Variants in NTN5 observed in about 807,000 individuals in gnomAD.
NTN5 encodes netrin-5.
NTN5 carries 42 observed loss-of-function variants against 38.7 expected under a neutral mutation model. That is an observed-to-expected ratio of 1.08 (90% CI 0.85 to 1.40). NTN5 has a LOEUF of 1.40. Among genes scored for constraint, NTN5 ranks in the 40% most tolerant of loss-of-function variants. The pLI is 0.00. For missense variants in NTN5, 658 were observed against 716.5 expected (o/e 0.92, Z 0.93); for synonymous variants, 329 against 303.9 (o/e 1.08, Z -0.86).
At chr19:48,663,278 C>T (rs1266716279) in intron 6 of NTN5, 185 bp downstream of exon 6, 1 of 697,374 alleles carries the variant, frequency 1.4e-6, no homozygotes, top group East Asian at 2.7e-5. Flanking sequence ...GTAGTGAATG[C>T]CCCCTCCCCA....
chr19:48,669,075 A>G (rs1601210406), intron 2 of NTN5, among the ~76,000 whole-genome samples: 1 of 128,420 alleles, frequency 7.8e-6, no homozygotes, highest in Non-Finnish European at 1.7e-5. Flanking sequence ...CACCACCACT[A>G]TCACCATCAT....
At chr19:48,672,584 G>T (rs1359426673) in intron 1 of NTN5, among the ~76,000 whole-genome samples, 1 of 152,204 alleles carries the variant, frequency 6.6e-6, no homozygotes, top group African/African-American at 2.4e-5. Context: ...CCACTCAGGT[G>T]GCAGCCGCCT....
intron 3 of NTN5, 86 bp downstream of exon 3, chr19:48,664,493 T>TCCAGGCCC (rs2031640111): frequency 8.2e-7 from 1 of 1,224,044 alleles, no homozygotes; most frequent in Admixed American, 3.1e-5. Flanking sequence ...GATCCAGGAA[T>TCCAGGCCC]CCAGGCCCCC....
chr19:48,669,580 C>CATCACCACT lies in NTN5; in HGVS notation c.631+775_631+776insAGTGGTGAT, dbSNP rs1458635951. ...TCACCACCACCATCACCACCATCAC[C>CATCACCACT]ACCACGACCACCATCACCACCACCA... On this transcript the variant is annotated intron_variant, in intron 2 of 6. Transcript: ENST00000270235. Among the ~76,000 whole-genome samples the CATCACCACT allele has an allele frequency of 1.9e-3, 94 of 48,224 alleles. 18 individuals carry two copies. Among genetic ancestry groups the CATCACCACT allele is most frequent in the Non-Finnish European group, 3.1e-3 (81 of 25,970 alleles). The allele number at this position is 48,224 out of a possible 152,430, so 31.6% of individuals were successfully genotyped here.
intron 1 of NTN5, 147 bp downstream of exon 1, chr19:48,672,783 CTT>C (rs1327375616): frequency 6.2e-6 from 1 of 160,178 alleles, no homozygotes; most frequent in Non-Finnish European, 1.4e-5. Context: ...CCATACCCCT[CTT>C]TAAGAAAGAG....
At chr19:48,663,709 C>G (rs766444152) in intron 5 of NTN5, 52 bp downstream of exon 5, 65 of 1,580,892 alleles carry the variant, frequency 4.1e-5, no homozygotes, top group Non-Finnish European at 5.0e-5. Context: ...CCCAGTCAGC[C>G]CATCCTCATT....
intron 2 of NTN5, among the ~76,000 whole-genome samples, chr19:48,668,489 A>C (rs755008727): frequency 6.6e-6 from 1 of 152,208 alleles, no homozygotes; most frequent in Non-Finnish European, 1.5e-5. Context: ...GCAGGTAAGC[A>C]GAGGAGCTGG....
intron 2 of NTN5, among the ~76,000 whole-genome samples, 168 bp downstream of exon 2, chr19:48,670,188 A>G (rs1601214521): frequency 6.6e-6 from 1 of 152,248 alleles, no homozygotes; most frequent in Admixed American, 6.5e-5. Context: ...TGGCTGAGAT[A>G]CAGGACTGGC....
chr19:48,665,767 C>G (rs575151090), intron 2 of NTN5, among the ~76,000 whole-genome samples: 1 of 151,276 alleles, frequency 6.6e-6, no homozygotes, highest in African/African-American at 2.4e-5. Context: ...TGCAGTGAGC[C>G]GAGATCACGC....
At chr19:48,669,972 T>TAC (rs2031903444) in intron 2 of NTN5, among the ~76,000 whole-genome samples, 6 of 122,110 alleles carry the variant, frequency 4.9e-5, no homozygotes, top group East Asian at 7.5e-4. Context: ...ATCACCACCA[T>TAC]CATCACCATC....
chr19:48,661,589 C>T lies in NTN5; in HGVS notation c.*88G>A. The stretch of plus-strand genomic sequence containing the variant: ...GGGGCTCTGCGACGTCTGATTGGCT[C>T]TCTGCAGTGCACCGTCGAGGTAGAA... On this transcript the variant is annotated 3_prime_UTR_variant, in exon 7 of 7. Coordinates refer to ENST00000270235, the MANE Select transcript of NTN5 (RefSeq NM_145807.4). 2 of 1,351,922 alleles carry T rather than the reference C, an allele frequency of 1.5e-6. No homozygotes were observed. Among genetic ancestry groups the T allele is most frequent in the Non-Finnish European group, 9.6e-7 (1 of 1,045,182 alleles). 83.7% of individuals were successfully genotyped at this position (1,351,922 alleles called of 1,614,324 possible).
chr19:48,667,505 G>A, intron 2 of NTN5: 1 of 214,192 alleles, frequency 4.7e-6, no homozygotes, highest in Non-Finnish European at 1.0e-5. Context: ...TAAAAGATTT[G>A]GCCAAAGAAT....
In NTN5 at chr19:48,661,619, C is replaced by G. The variant is rs887448635; in HGVS notation, c.*58G>C. ...CAGTGCACCGTCGAGGTAGAAGGCT[C>G]AGCTCCTAGTCGCTCCCAAATTACT... On this transcript the variant is annotated 3_prime_UTR_variant, in exon 7 of 7. Transcript: ENST00000270235. The G allele has an allele frequency of 2.0e-5, 29 of 1,438,064 alleles. No individual in the cohort carries two copies. In the East Asian group the frequency reaches 8.0e-4, roughly 40 times the overall value. 89.1% of individuals were successfully genotyped at this position (1,438,064 alleles called of 1,614,324 possible).
At chr19:48,670,141 AG>A (rs2031916153) in intron 2 of NTN5, among the ~76,000 whole-genome samples, 1 of 151,846 alleles carries the variant, frequency 6.6e-6, no homozygotes, top group South Asian at 2.1e-4. Context: ...AGTGTTGGGG[AG>A]AGGCTGAGCC....
intron 2 of NTN5, among the ~76,000 whole-genome samples, chr19:48,665,413 G>A (rs1223093988): frequency 6.7e-6 from 1 of 149,100 alleles, no homozygotes; most frequent in Non-Finnish European, 1.5e-5. Context: ...TCCAGCCTGG[G>A]CAAAGGAGCA....
In NTN5 at chr19:48,670,965, G is replaced by A. The variant is rs1299741673; in HGVS notation, c.22C>T (p.Leu8=). 1.3e-6 allele frequency: 2 copies of A among 1,542,940 alleles called. No homozygotes were observed. Among genetic ancestry groups the A allele is most frequent in the Non-Finnish European group, 1.7e-6 (2 of 1,144,536 alleles). Residue 8 remains leucine, a synonymous_variant, in exon 2 of 7, where the codon CTG becomes TTG. Coordinates refer to ENST00000270235, the MANE Select transcript of NTN5 (RefSeq NM_145807.4). ...GCAGTGGCCTGGCCCAGGAGGAGCAGGAGGGCAAAGGTCACGGGCATGGTC... is the reference window on the plus strand; with the variant it reads ...GCAGTGGCCTGGCCCAGGAGGAGCAAGAGGGCAAAGGTCACGGGCATGGTC... The part of the protein sequence containing the change: MPVTFAL[L]LLLGQATADP...
At chr19:48,664,087 T>A in intron 4 of NTN5, 56 bp downstream of exon 4, 1 of 1,539,308 alleles carries the variant, frequency 6.5e-7, no homozygotes, top group Non-Finnish European at 8.8e-7. Context: ...ACTGGAGACC[T>A]GGGATGTCTC....
chr19:48,663,840 C>T lies in NTN5; in HGVS notation c.971-26G>A, dbSNP rs145508758. ...CTGTGAGACCAAAGGAGAAATTAAC[C>T]TCTTAGTCATTTCCCCCAGGATCCC... On this transcript the variant is annotated intron_variant, in intron 4 of 6. Coordinates refer to ENST00000270235, the MANE Select transcript of NTN5 (RefSeq NM_145807.4). 4 of 1,610,160 alleles carry T rather than the reference C, an allele frequency of 2.5e-6. No homozygotes were observed. In the East Asian group the frequency reaches 8.9e-5, roughly 36 times the overall value.
chr19:48,661,791 C>G lies in NTN5; in HGVS notation c.1356G>C (p.Ala452=). ...TRLILDRHGL[A]LPWRPRWARP... ...GGGCCCAGCGCGGCCTCCATGGCAGCGCGAGGCCGTGGCGGTCGAGGATGA... is the reference window on the plus strand; with the variant it reads ...GGGCCCAGCGCGGCCTCCATGGCAGGGCGAGGCCGTGGCGGTCGAGGATGA... The change falls in exon 7 of 7, where the codon GCG becomes GCC. Residue 452 remains alanine, a synonymous_variant. Coordinates refer to ENST00000270235, the MANE Select transcript of NTN5 (RefSeq NM_145807.4). 7.2e-7 allele frequency: 1 copy of G among 1,383,124 alleles called. No individual in the cohort carries two copies. Among genetic ancestry groups the G allele is most frequent in the Non-Finnish European group, 9.3e-7 (1 of 1,076,484 alleles). The allele number at this position is 1,383,124 out of a possible 1,614,324, so 85.7% of individuals were successfully genotyped here.
Sources: allele counts gnomAD v4.1 joint callset (sites outside exome capture counted in the v4.1 genomes callset), GRCh38; gene constraint gnomAD v4.1.1; transcripts MANE v1.5; gene names NCBI Gene and HGNC (gene_info 2026-07-23, HGNC 2026-07-21).